The following LRTM3 variants were observed in gnomAD, a reference collection of about 807,000 sequenced individuals.
The protein encoded by LRTM3 is leucine-rich repeat transmembrane protein 3.
At chr13:102,743,076 G>T in the LRTM3 span, 2 of 1,549,968 alleles carry the variant, frequency 1.3e-6, no homozygotes, top group East Asian at 2.4e-5. Context: ...CCAAGATGAC[G>T]ATCCTTTCTA....
At chr13:102,744,432 C>T in the LRTM3 span, 2 of 1,550,132 alleles carry the variant, frequency 1.3e-6, no homozygotes, top group Non-Finnish European at 1.7e-6. Flanking sequence ...GGTATTGAAC[C>T]AATCTTTGAT....
the LRTM3 span, chr13:102,735,820 C>T: frequency 5.8e-6 from 9 of 1,542,166 alleles, no homozygotes; most frequent in African/African-American, 1.4e-5. Context: ...CCTTTTCATT[C>T]CTTCTAGTGT....
the LRTM3 span, chr13:102,745,960 C>T: frequency 6.4e-7 from 1 of 1,551,158 alleles, no homozygotes; most frequent in Non-Finnish European, 8.7e-7. Context: ...GCTCATTATC[C>T]TTCTGATATG....
the LRTM3 span, among the ~76,000 whole-genome samples, chr13:102,756,695 AC>A: frequency 0.066 from 5,850 of 89,004 alleles, 521 homozygotes; most frequent in African/African-American, 0.14. Flanking sequence ...AAAAAAAAAA[AC>A]AAAAAAACAA....
the LRTM3 span, chr13:102,729,449 T>C: frequency 4.9e-5 from 71 of 1,451,294 alleles, no homozygotes; most frequent in Non-Finnish European, 6.1e-5. Context: ...GCTATGGTAA[T>C]GTCAGCTATG....
the LRTM3 span, chr13:102,735,840 G>C: frequency 6.5e-7 from 1 of 1,541,292 alleles, no homozygotes. Flanking sequence ...TCACAATTCA[G>C]GTAAAATGGA....
At chr13:102,753,366 A>C in the LRTM3 span, among the ~76,000 whole-genome samples, 480 of 152,148 alleles carry the variant, frequency 3.2e-3, 2 homozygotes, top group African/African-American at 0.011. Context: ...ACAGACAAAT[A>C]CCTAAAGCAT....
At chr13:102,740,595 G>C in the LRTM3 span, 2 of 1,548,774 alleles carry the variant, frequency 1.3e-6, no homozygotes, top group Non-Finnish European at 1.7e-6. Flanking sequence ...ACATCCATTT[G>C]TTTCACTGCT....
At chr13:102,735,933 T>G in the LRTM3 span, 8 of 1,542,428 alleles carry the variant, frequency 5.2e-6, no homozygotes, top group Non-Finnish European at 7.0e-6. Context: ...TGCTCTTCAA[T>G]GTGCAAAGAG....
At chr13:102,734,905 T>C in the LRTM3 span, 16 of 1,551,200 alleles carry the variant, frequency 1.0e-5, no homozygotes, top group Non-Finnish European at 1.3e-5. Context: ...GTGACACATG[T>C]TTTCCTTTTT....
chr13:102,731,859 ACT>A, the LRTM3 span: 3 of 1,549,422 alleles, frequency 1.9e-6, no homozygotes, highest in Non-Finnish European at 1.7e-6. Context: ...ATAGATGGAC[ACT>A]CTGTGGGTGT....
chr13:102,749,694 T>C, the LRTM3 span: 2 of 1,551,456 alleles, frequency 1.3e-6, no homozygotes, highest in Non-Finnish European at 1.7e-6. Context: ...CTGGCTTTGC[T>C]CTCAGGCTGG....
chr13:102,758,870 G>A, the LRTM3 span: 25 of 1,549,998 alleles, frequency 1.6e-5, no homozygotes, highest in Non-Finnish European at 2.2e-5. Flanking sequence ...ATAATGTCAT[G>A]AATGTATTAT....
chr13:102,743,737 A>T, the LRTM3 span: 2 of 1,550,026 alleles, frequency 1.3e-6, no homozygotes, highest in East Asian at 4.9e-5. Context: ...ATTTCTTCCT[A>T]TGTTTTCTGG....
chr13:102,748,453 C>T, the LRTM3 span: 1 of 1,551,172 alleles, frequency 6.4e-7, no homozygotes, highest in African/African-American at 1.4e-5. Flanking sequence ...GTGTATTTTC[C>T]CTTGGAAAGC....
chr13:102,750,892 G>A, the LRTM3 span, among the ~76,000 whole-genome samples: 2 of 152,110 alleles, frequency 1.3e-5, no homozygotes, highest in Non-Finnish European at 2.9e-5. Context: ...TTTTGGGCCG[G>A]AGTACTGATC....
At chr13:102,741,790 C>T in the LRTM3 span, 1 of 1,550,422 alleles carries the variant, frequency 6.4e-7, no homozygotes, top group Admixed American at 2.0e-5. Context: ...CATCTTTTTC[C>T]TTTGCTCTTT....
chr13:102,746,046 C>A, the LRTM3 span: 2 of 1,550,998 alleles, frequency 1.3e-6, no homozygotes, highest in African/African-American at 2.7e-5. Flanking sequence ...CCTCCAAGGA[C>A]TTTTATGTCA....
chr13:102,738,609 T>G, the LRTM3 span: 1,056 of 1,550,360 alleles, frequency 6.8e-4, 7 homozygotes, highest in African/African-American at 0.013. Flanking sequence ...AGGGCCTTTT[T>G]TACACTGTTT....
Sources: allele counts gnomAD v4.1 joint callset (sites outside exome capture counted in the v4.1 genomes callset), GRCh38; gene constraint gnomAD v4.1.1; transcripts MANE v1.5; gene names NCBI Gene and HGNC (gene_info 2026-07-23, HGNC 2026-07-21).